Variants in RABGAP1L observed in about 807,000 individuals in gnomAD.
The protein encoded by RABGAP1L is RAB GTPase activating protein 1 like.
Under a neutral mutation model 137.7 loss-of-function variants are expected in RABGAP1L, and 63 were observed. The ratio of observed to expected loss-of-function variants is 0.46; its 90% CI spans 0.37 to 0.56. The LOEUF (loss-of-function observed/expected upper bound fraction) is 0.56, where lower values mean the gene tolerates loss of function less well. Ranked by LOEUF, RABGAP1L falls within the 20% of genes least tolerant of loss-of-function variation. The pLI is 0.00. For synonymous variants in RABGAP1L, 431 were observed against 433.7 expected (o/e 0.99, Z 0.08); for missense variants, 1,095 against 1,244.0 (o/e 0.88, Z 1.80).
At chr1:174,228,683 A>C (rs1000701542) in intron 3 of RABGAP1L, among the ~76,000 whole-genome samples, 1 of 152,200 alleles carries the variant, frequency 6.6e-6, no homozygotes, top group Non-Finnish European at 1.5e-5. Flanking sequence ...TTAACAAAAA[A>C]GTCAGTGGTG....
intron 11 of RABGAP1L, among the ~76,000 whole-genome samples, chr1:174,359,165 C>T (rs1251253678): frequency 6.6e-6 from 1 of 150,522 alleles, no homozygotes; most frequent in Non-Finnish European, 1.5e-5. Flanking sequence ...TTGCATTGTT[C>T]CTTCTGTTAT....
intron 14 of RABGAP1L, among the ~76,000 whole-genome samples, chr1:174,680,848 C>T (rs1365010928): frequency 1.3e-5 from 2 of 152,022 alleles, no homozygotes; most frequent in Non-Finnish European, 2.9e-5. Context: ...GATCATGCCA[C>T]CGCACACCAG....
At chr1:174,873,679 T>C (rs555187523) in intron 19 of RABGAP1L, among the ~76,000 whole-genome samples, 15 of 151,552 alleles carry the variant, frequency 9.9e-5, no homozygotes, top group Non-Finnish European at 1.3e-4. Flanking sequence ...CCTGGCTAAT[T>C]TTTGTATTTT....
intron 18 of RABGAP1L, chr1:174,757,081 C>T: frequency 3.9e-6 from 2 of 514,792 alleles, no homozygotes; most frequent in South Asian, 3.0e-5. Flanking sequence ...CCCCCACGGA[C>T]TCTGCCACAA....
At position 174,187,556 on chromosome 1, in the gene RABGAP1L, G is replaced by A. The variant is rs374536911; in HGVS notation, c.-34+27899G>A. Among the ~76,000 whole-genome samples the A allele has an allele frequency of 1.7e-4, 26 of 152,162 alleles. No individual in the cohort carries two copies. In the South Asian group the frequency reaches 4.8e-3, roughly 28 times the overall value. The stretch of plus-strand genomic sequence containing the variant: ...ATAGTACATTTTAAAATGGAAGTGT[G>A]TACATCCAAGTATGCATTTAATGAA... On this transcript the variant is annotated intron_variant, in intron 1 of 25. Transcript: ENST00000681986.
intron 18 of RABGAP1L, among the ~76,000 whole-genome samples, chr1:174,808,265 G>T (rs1479218113): frequency 1.3e-5 from 2 of 151,954 alleles, no homozygotes; most frequent in African/African-American, 4.8e-5. Flanking sequence ...GGGATTACAG[G>T]CATGAGCTAC....
chr1:174,687,200 T>C (rs1678544498), intron 15 of RABGAP1L, among the ~76,000 whole-genome samples: 1 of 152,052 alleles, frequency 6.6e-6, no homozygotes, highest in Non-Finnish European at 1.5e-5. Flanking sequence ...CCCAGAATTT[T>C]TTTTCTACAT....
chr1:174,569,007 C>G (rs771345325), intron 13 of RABGAP1L, among the ~76,000 whole-genome samples: 2 of 152,158 alleles, frequency 1.3e-5, no homozygotes, highest in Non-Finnish European at 2.9e-5. Flanking sequence ...TTCATGTTCA[C>G]AGTAACCTTA....
intron 17 of RABGAP1L, among the ~76,000 whole-genome samples, chr1:174,726,994 A>C (rs1209921755): frequency 6.6e-6 from 1 of 152,110 alleles, no homozygotes; most frequent in Non-Finnish European, 1.5e-5. Context: ...TAGTTGACTC[A>C]TTTGGTTTGT....
intron 13 of RABGAP1L, among the ~76,000 whole-genome samples, chr1:174,483,257 C>G (rs1659297203): frequency 2.0e-5 from 3 of 151,996 alleles, no homozygotes; most frequent in Admixed American, 1.3e-4. Flanking sequence ...ACCCATTAAC[C>G]ATCCCCACTT....
chr1:174,240,499 C>T (rs1571728663), intron 4 of RABGAP1L, among the ~76,000 whole-genome samples: 1 of 152,182 alleles, frequency 6.6e-6, no homozygotes, highest in South Asian at 2.1e-4. Context: ...CCACCCATCT[C>T]GACCTCCTAA....
At chr1:174,553,809 T>A (rs962533877) in intron 13 of RABGAP1L, among the ~76,000 whole-genome samples, 1 of 152,140 alleles carries the variant, frequency 6.6e-6, no homozygotes, top group Non-Finnish European at 1.5e-5. Context: ...GAAACCAGCC[T>A]GGGCAATATG....
intron 19 of RABGAP1L, among the ~76,000 whole-genome samples, chr1:174,813,094 A>G (rs750357371): frequency 6.6e-6 from 1 of 152,216 alleles, no homozygotes; most frequent in Non-Finnish European, 1.5e-5. Flanking sequence ...TAGTGGAGCA[A>G]TGATATGATC....
At chr1:174,792,225 C>A (rs569601660) in intron 18 of RABGAP1L, among the ~76,000 whole-genome samples, 3 of 152,292 alleles carry the variant, frequency 2.0e-5, no homozygotes, top group Admixed American at 2.0e-4. Flanking sequence ...TAGGGTCCAA[C>A]AAGGTTTCAT....
At chr1:174,819,295 G>C (rs2148881147) in intron 19 of RABGAP1L, among the ~76,000 whole-genome samples, 1 of 151,228 alleles carries the variant, frequency 6.6e-6, no homozygotes, top group Non-Finnish European at 1.5e-5. Context: ...AGGATGTTGA[G>C]ACTAAGATGG....
intron 1 of RABGAP1L, among the ~76,000 whole-genome samples, chr1:174,174,165 A>G (rs1369523683): frequency 6.6e-6 from 1 of 151,416 alleles, no homozygotes; most frequent in East Asian, 2.0e-4. Flanking sequence ...TTCTGACAAC[A>G]TGATAGCAAT....
At chr1:174,297,905 C>T (rs946058222) in intron 10 of RABGAP1L, among the ~76,000 whole-genome samples, 4 of 152,186 alleles carry the variant, frequency 2.6e-5, no homozygotes, top group African/African-American at 9.6e-5. Flanking sequence ...TTTTTGGGTT[C>T]CCTTTCCCTG....
chr1:174,961,018 C>G (rs559507352), intron 20 of RABGAP1L, among the ~76,000 whole-genome samples: 13 of 152,290 alleles, frequency 8.5e-5, no homozygotes, highest in African/African-American at 2.9e-4. Flanking sequence ...TGCTTTATAG[C>G]CTTTACTCTT....
At chr1:174,756,106 T>G (rs1684733218) in intron 18 of RABGAP1L, among the ~76,000 whole-genome samples, 1 of 152,174 alleles carries the variant, frequency 6.6e-6, no homozygotes, top group African/African-American at 2.4e-5. Context: ...GTGCTATTGT[T>G]AGAGACAGAA....
Sources: gnomAD v4.1 joint callset for allele counts (sites outside exome capture counted in the v4.1 genomes callset) on GRCh38, gnomAD v4.1.1 for gene constraint, MANE v1.5 for transcripts, NCBI Gene and HGNC (gene_info 2026-07-23, HGNC 2026-07-21) for gene names.